Variants in KIF26B observed in about 807,000 individuals in gnomAD.
KIF26B encodes kinesin-like protein KIF26B.
Under a neutral mutation model 151.2 loss-of-function variants are expected in KIF26B, and 63 were observed. The ratio of observed to expected loss-of-function variants is 0.42; its 90% CI spans 0.34 to 0.51. The LOEUF (loss-of-function observed/expected upper bound fraction) is 0.51, where lower values mean the gene tolerates loss of function less well. Ranked by LOEUF, KIF26B falls within the 20% of genes least tolerant of loss-of-function variation. The probability of loss-of-function intolerance (pLI) is 0.07; values close to 1 mark genes in which losing one functional copy is unlikely to be tolerated. For synonymous variants in KIF26B, 1,357 were observed against 1,262.1 expected, an observed-to-expected ratio of 1.08 and a Z score of -1.59; for missense variants, 2,813 against 2,913.6, an observed-to-expected ratio of 0.97 and a Z score of 0.79.
intron 3 of KIF26B, among the ~76,000 whole-genome samples, chr1:245,408,382 T>A (rs1674190841): frequency 7.2e-6 from 1 of 137,942 alleles, no homozygotes; most frequent in Non-Finnish European, 1.6e-5. Context: ...TGAAACACAG[T>A]CTTGCTCTGT....
intron 5 of KIF26B, among the ~76,000 whole-genome samples, chr1:245,575,809 T>G (rs1276591951): frequency 6.6e-6 from 1 of 151,986 alleles, no homozygotes; most frequent in African/African-American, 2.4e-5. Flanking sequence ...TCTATCTGTT[T>G]TGTGTGTGTG....
intron 2 of KIF26B, among the ~76,000 whole-genome samples, chr1:245,327,621 A>C (rs921259767): frequency 2.6e-5 from 4 of 152,162 alleles, no homozygotes; most frequent in Non-Finnish European, 4.4e-5. Flanking sequence ...GACAATTCCC[A>C]TGTATTGAAT....
rs552104015 is a variant in KIF26B, at chr1:245,541,005, G to A, written c.1350+55G>A. ...CCCAGTGTGCGAGGTTCTGGATCAA[G>A]TTTCAGGAGGAAGAAAATGAGGCCT... On this transcript the variant is annotated intron_variant, in intron 5 of 14. Coordinates refer to ENST00000407071, the MANE Select transcript of KIF26B (RefSeq NM_018012.4). The A allele has an allele frequency of 2.1e-6, 3 of 1,459,310 alleles. No individual in the cohort carries two copies. In the South Asian group the frequency reaches 3.9e-5, roughly 19 times the overall value. The allele number at this position is 1,459,310 out of a possible 1,614,324, so 90.4% of individuals were successfully genotyped here.
At chr1:245,514,279 C>T (rs937668112) in intron 4 of KIF26B, among the ~76,000 whole-genome samples, 1 of 152,142 alleles carries the variant, frequency 6.6e-6, no homozygotes, top group Non-Finnish European at 1.5e-5. Context: ...GTAATCCCAG[C>T]ACTTTGGGAG....
At chr1:245,240,984 C>T (rs911563114) in intron 2 of KIF26B, among the ~76,000 whole-genome samples, 6 of 152,272 alleles carry the variant, frequency 3.9e-5, no homozygotes, top group South Asian at 2.1e-4. Context: ...CCAGAGTCCC[C>T]GCCCAGGGAT....
intron 4 of KIF26B, among the ~76,000 whole-genome samples, chr1:245,431,345 ATTTTT>A (rs796518387): frequency 7.3e-6 from 1 of 136,368 alleles, no homozygotes. Flanking sequence ...TGCCCAGCTA[ATTTTT>A]TTTTTTTTTT....
intron 2 of KIF26B, among the ~76,000 whole-genome samples, chr1:245,307,742 CT>C (rs35577186): frequency 0.41 from 53,760 of 132,478 alleles, 9,702 homozygotes; most frequent in African/African-American, 0.53. Flanking sequence ...CTCTCTCTCT[CT>C]TTTTTTTTTT....
chr1:245,351,637 A>C (rs1443249067), intron 2 of KIF26B, among the ~76,000 whole-genome samples: 1 of 152,348 alleles, frequency 6.6e-6, no homozygotes, highest in South Asian at 2.1e-4. Context: ...CTGATGAGGA[A>C]ACCAAGGCTC....
At chr1:245,619,918 C>T (rs973165427) in intron 9 of KIF26B, among the ~76,000 whole-genome samples, 1 of 151,470 alleles carries the variant, frequency 6.6e-6, no homozygotes, top group Non-Finnish European at 1.5e-5. Context: ...ATCTCAAAAA[C>T]AAAAAATGAA....
At chr1:245,640,829 A>G (rs1351913780) in intron 9 of KIF26B, among the ~76,000 whole-genome samples, 8 of 152,182 alleles carry the variant, frequency 5.3e-5, no homozygotes, top group African/African-American at 1.9e-4. Context: ...TTCTGTTCCT[A>G]CATTTTAAAT....
intron 2 of KIF26B, among the ~76,000 whole-genome samples, chr1:245,304,151 G>T (rs1206927930): frequency 6.6e-6 from 1 of 152,174 alleles, no homozygotes; most frequent in Non-Finnish European, 1.5e-5. Context: ...TTGGGAGAAA[G>T]AAAAAGTACT....
chr1:245,295,263 A>G (rs964535017), intron 2 of KIF26B, among the ~76,000 whole-genome samples: 3 of 152,216 alleles, frequency 2.0e-5, no homozygotes, highest in African/African-American at 7.2e-5. Context: ...TTATTTTGAT[A>G]CTTCAGTTCA....
At chr1:245,619,577 G>A (rs1216077040) in intron 9 of KIF26B, among the ~76,000 whole-genome samples, 1 of 140,832 alleles carries the variant, frequency 7.1e-6, no homozygotes, top group Non-Finnish European at 1.5e-5. Context: ...CTGCACTCCA[G>A]CCTGGGCAAT....
intron 2 of KIF26B, among the ~76,000 whole-genome samples, chr1:245,254,378 T>A (rs920720674): frequency 6.6e-6 from 1 of 152,150 alleles, no homozygotes; most frequent in Admixed American, 6.5e-5. Context: ...AAAATTGGAA[T>A]TTCCTCATGT....
chr1:245,434,699 C>G (rs537420772), intron 4 of KIF26B, among the ~76,000 whole-genome samples: 1 of 152,122 alleles, frequency 6.6e-6, no homozygotes, highest in South Asian at 2.1e-4. Flanking sequence ...GGATAAACAC[C>G]CCAGCTCTCT....
At chr1:245,682,114 G>A (rs543590435) in intron 10 of KIF26B, among the ~76,000 whole-genome samples, 162 of 152,258 alleles carry the variant, frequency 1.1e-3, no homozygotes, top group African/African-American at 3.6e-3. Context: ...GTGTGGTGGC[G>A]CGTGCCTGTA....
chr1:245,250,239 G>T (rs1042089761), intron 2 of KIF26B, among the ~76,000 whole-genome samples: 6 of 151,964 alleles, frequency 3.9e-5, no homozygotes, highest in Non-Finnish European at 7.4e-5. Flanking sequence ...ACATCTCTTT[G>T]TAGGTAGGCG....
Position 245,367,199 on chromosome 1 carries a change from G to A in KIF26B, c.831G>A (p.Ala277=), listed in dbSNP as rs537827807. The change falls in exon 3 of 15, where the codon GCG becomes GCA. Residue 277 remains alanine (A), a synonymous_variant. Coordinates refer to ENST00000407071, the MANE Select transcript of KIF26B (RefSeq NM_018012.4). The surrounding 1 kb of genome is among the most constrained non-coding windows in gnomAD (Gnocchi z 4.2). ...GCAGCCTTGGGGTCAGCAATGGGGC[G>A]GAAAAGAAGAGCGGGTCCCCAACCC... ...KPSSLGVSNG[A]EKKSGSPTHQ... is the part of the protein sequence containing the mutation. The A allele has an allele frequency of 1.1e-5, 17 of 1,608,912 alleles. No homozygotes were observed. The highest frequency in any genetic ancestry group is 2.2e-5 in the East Asian group (1 of 44,656).
chr1:245,499,100 C>T (rs531774458), intron 4 of KIF26B, among the ~76,000 whole-genome samples: 1 of 152,250 alleles, frequency 6.6e-6, no homozygotes, highest in African/African-American at 2.4e-5. Flanking sequence ...TAGACCAAAT[C>T]TCTTTTATTT....
Sources: gnomAD v4.1 joint callset for allele counts (sites outside exome capture counted in the v4.1 genomes callset) on GRCh38, gnomAD v4.1.1 for gene constraint, Gnocchi (gnomAD v3.1) non-coding constraint, MANE v1.5 for transcripts, NCBI Gene and HGNC (gene_info 2026-07-23, HGNC 2026-07-21) for gene names.